Variants in UTP14C observed in about 807,000 individuals in gnomAD.
The protein encoded by UTP14C is U3 small nucleolar RNA-associated protein 14 homolog C.
Under a neutral mutation model 14.6 loss-of-function variants are expected in UTP14C, and 10 were observed. The observed-to-expected ratio is 0.68, with a 90% CI of 0.42 to 1.16. The LOEUF is 1.16. Among genes scored for constraint, UTP14C ranks in the 50% most tolerant of loss-of-function variants. The pLI, the probability that UTP14C is intolerant of heterozygous loss-of-function variation, is 0.00. For missense variants in UTP14C, 818 were observed against 890.8 expected, an observed-to-expected ratio of 0.92 and a Z score of 1.04; for synonymous variants, 315 against 331.6, an observed-to-expected ratio of 0.95 and a Z score of 0.54.
In UTP14C at chr13:52,030,798, A is replaced by G. The variant is rs1189633328; in HGVS notation, c.1994A>G (p.Asn665Ser). ...CCAAGAAAAGATAAGAATTTGCCAA[A>G]TGTGATTATCAGTGAGAAGCGCAAC... is the stretch of plus-strand genomic sequence containing the variant. ...GPPRKDKNLP[N>S]VIISEKRNIH... The change falls in exon 2 of 2, where the codon AAT becomes AGT. Residue 665 changes from asparagine (N) to serine (S), a missense_variant. Asn to Ser is a conservative substitution (Grantham distance 46). Transcript: ENST00000521776. The G allele has an allele frequency of 1.2e-6, 2 of 1,614,204 alleles. No individual in the cohort carries two copies. Among genetic ancestry groups the G allele is most frequent in the Non-Finnish European group, 1.7e-6 (2 of 1,180,034 alleles).
At chr13:52,026,412 T>A (rs999669711) in intron 1 of UTP14C, among the ~76,000 whole-genome samples, 3 of 152,192 alleles carry the variant, frequency 2.0e-5, no homozygotes, top group Non-Finnish European at 4.4e-5. Context: ...GCTTTCTGAT[T>A]TCTCCAGTCC....
rs760676899 is a variant in UTP14C, at chr13:52,029,597, A to G, written c.793A>G (p.Lys265Glu). The G allele has an allele frequency of 6.2e-7, 1 of 1,614,266 alleles. No individual in the cohort carries two copies. Among genetic ancestry groups the G allele is most frequent in the East Asian group, 2.2e-5 (1 of 44,882 alleles). ...VKKGKAKKAL[K>E]EFEQLQKVNP... ...GAAAGGAAAGGCCAAGAAAGCCTTA[A>G]AAGAGTTTGAGCAGCTACAGAAGGT... is the stretch of plus-strand genomic sequence containing the variant. The change falls in exon 2 of 2, where the codon AAA becomes GAA. Residue 265 changes from lysine (K) to glutamate (E), a missense_variant. By Grantham distance (56) the Lys-to-Glu change is moderately conservative. Transcript: ENST00000521776.
At position 52,030,483 on chromosome 13, in the gene UTP14C, A is replaced by G. The variant is rs1249657775; in HGVS notation, c.1679A>G (p.Gln560Arg). ...KKEKEQLINL[Q>R]NFLTTQSPSV... ...GAGAAGGAGCAACTGATCAACCTAC[A>G]GAACTTCCTGACCACACAGTCTCCT... Residue 560 changes from glutamine to arginine, a missense_variant, in exon 2 of 2, where the codon CAG becomes CGG. Gln to Arg is a conservative substitution (Grantham distance 43). Transcript: ENST00000521776. 2.5e-6 allele frequency: 4 copies of G among 1,614,244 alleles called. No homozygotes were observed. The highest frequency in any genetic ancestry group is 3.4e-6 in the Non-Finnish European group (4 of 1,180,038).
chr13:52,028,781 A>G lies in UTP14C; in HGVS notation c.-24A>G. 6.2e-7 allele frequency: 1 copy of G among 1,614,210 alleles called. No individual in the cohort carries two copies. Among genetic ancestry groups the G allele is most frequent in the Non-Finnish European group, 8.5e-7 (1 of 1,180,028 alleles). ...AGCCTTCGGCTTCCATTCTTGGTAT[A>G]CATGAGAGAGGCTGGCTGCTGAGAT... On this transcript the variant is annotated 5_prime_UTR_variant, in exon 2 of 2. The change creates a new upstream start codon in the 5' untranslated region. Transcript: ENST00000521776.
chr13:52,029,168 G>GA lies in UTP14C; in HGVS notation c.370dup (p.Ile124AsnfsTer2). ...GGTGGTGGAGTTACCTCTTAACAAA[G>GA]AAAAAATTGAACAGATCCACAGAGA... On this transcript the variant is annotated frameshift_variant, in exon 2 of 2. Transcript: ENST00000521776. LOFTEE classifies it low-confidence loss of function (END_TRUNC). The GA allele has an allele frequency of 1.9e-6, 3 of 1,614,120 alleles. No homozygotes were observed. The highest frequency in any genetic ancestry group is 1.6e-4 in the Middle Eastern group (1 of 6,062).
In UTP14C at chr13:52,030,980, CA is replaced by C. The variant is rs749080878; in HGVS notation, c.2177del (p.His726LeufsTer6). The C allele has an allele frequency of 6.2e-7, 1 of 1,614,020 alleles. No homozygotes were observed. The highest frequency in any genetic ancestry group is 8.5e-7 in the Non-Finnish European group (1 of 1,180,038). ...TTPKVVTKPG[H>X]IIKPIKAEDV... Reference sequence around the variant, plus strand: ...TCCCAAGGTCGTCACCAAGCCAGGCCATATCATTAAGCCCATAAAAGCAGAG... The same window carrying C: ...TCCCAAGGTCGTCACCAAGCCAGGCCTATCATTAAGCCCATAAAAGCAGAG... On this transcript the variant is annotated frameshift_variant, in exon 2 of 2. Coordinates refer to ENST00000521776, the MANE Select transcript of UTP14C (RefSeq NM_021645.6). LOFTEE classifies it high-confidence loss of function.
Position 52,032,969 on chromosome 13 carries a change from C to A in UTP14C, c.*1864C>A, listed in dbSNP as rs889559642. The A allele has an allele frequency of 2.4e-5, 4 of 167,006 alleles. No homozygotes were observed. The highest frequency in any genetic ancestry group is 9.7e-5 in the African/African-American group (4 of 41,432). The allele number at this position is 167,006 out of a possible 1,614,324, so 10.3% of individuals were successfully genotyped here. A position where few individuals can be genotyped will look rare whatever the true frequency, so the allele number is the denominator to read the frequency against. On this transcript the variant is annotated 3_prime_UTR_variant, in exon 2 of 2. Coordinates refer to ENST00000521776, the MANE Select transcript of UTP14C (RefSeq NM_021645.6). ...TTGAAGTAAGATTCAAACTGTTATC[C>A]ACTCAATTGCCTTATTCCTGAGGAT...
chr13:52,031,372 AAAAG>A lies in UTP14C; in HGVS notation c.*271_*274del, dbSNP rs765697234. The A allele has an allele frequency of 1.5e-5, 7 of 462,070 alleles. No homozygotes were observed. Among genetic ancestry groups the A allele is most frequent in the Non-Finnish European group, 2.3e-5 (6 of 260,444 alleles). The allele number at this position is 462,070 out of a possible 1,614,324, so 28.6% of individuals were successfully genotyped here. ...TGAATATACCTAATGATTTCCTTAAAAAAGAAATTTTAAACAGACTTGTTTAATC... is the reference window on the plus strand; with the variant it reads ...TGAATATACCTAATGATTTCCTTAAAAAATTTTAAACAGACTTGTTTAATC... On this transcript the variant is annotated 3_prime_UTR_variant, in exon 2 of 2. Transcript: ENST00000521776.
At position 52,029,812 on chromosome 13, in the gene UTP14C, C is replaced by T; in HGVS notation, c.1008C>T (p.Leu336=). 1 of 1,614,190 alleles carries T rather than the reference C, an allele frequency of 6.2e-7. No homozygotes were observed. Among genetic ancestry groups the T allele is most frequent in the Non-Finnish European group, 8.5e-7 (1 of 1,180,040 alleles). ...AGAACAAAGAACTGACACAGAAACT[C>T]CAGGTAGCCTCTGAGAGTGAGGAAG... ...LAKNKELTQK[L]QVASESEEEE... The change falls in exon 2 of 2, where the codon CTC becomes CTT. Residue 336 remains leucine (L), a synonymous_variant. Coordinates refer to ENST00000521776, the MANE Select transcript of UTP14C (RefSeq NM_021645.6).
In UTP14C at chr13:52,029,588, A is replaced by G; in HGVS notation, c.784A>G (p.Lys262Glu). 1.2e-6 allele frequency: 2 copies of G among 1,614,240 alleles called. No individual in the cohort carries two copies. The highest frequency in any genetic ancestry group is 2.2e-5 in the East Asian group (1 of 44,884). Residue 262 changes from lysine to glutamate, a missense_variant, in exon 2 of 2, where the codon AAA becomes GAA. Coordinates refer to ENST00000521776, the MANE Select transcript of UTP14C (RefSeq NM_021645.6). The part of the protein sequence containing the change: ...HKVVKKGKAK[K>E]ALKEFEQLQK... Reference sequence around the variant, plus strand: ...AGTCGTGAAGAAAGGAAAGGCCAAGAAAGCCTTAAAAGAGTTTGAGCAGCT... The same window carrying G: ...AGTCGTGAAGAAAGGAAAGGCCAAGGAAGCCTTAAAAGAGTTTGAGCAGCT...
chr13:52,031,705 T>C lies in UTP14C; in HGVS notation c.*600T>C, dbSNP rs1485214607. 1.8e-5 allele frequency: 3 copies of C among 167,312 alleles called. No individual in the cohort carries two copies. Among genetic ancestry groups the C allele is most frequent in the African/African-American group, 7.2e-5 (3 of 41,460 alleles). The allele number at this position is 167,312 out of a possible 1,614,324, so 10.4% of individuals were successfully genotyped here. Reference sequence around the variant, plus strand: ...ATTACCAGCATAATGCATTGTAAGATGGCAAGGTGGCATTTTGAAAGAGCG... The same window carrying C: ...ATTACCAGCATAATGCATTGTAAGACGGCAAGGTGGCATTTTGAAAGAGCG... On this transcript the variant is annotated 3_prime_UTR_variant, in exon 2 of 2. Transcript: ENST00000521776.
At position 52,024,776 on chromosome 13, in the gene UTP14C, A is replaced by T; in HGVS notation, c.-648A>T. The T allele has an allele frequency of 6.2e-7, 1 of 1,614,234 alleles. No individual in the cohort carries two copies. The highest frequency in any genetic ancestry group is 8.5e-7 in the Non-Finnish European group (1 of 1,180,032). On this transcript the variant is annotated 5_prime_UTR_variant, in exon 1 of 2. The change abolishes an upstream ATG in the 5' untranslated region. Transcript: ENST00000521776. ...CTCATTGGAGGTTGTCGTAACAAAG[A>T]TGATGAACTTAGGGTAAACCAACTG...
chr13:52,028,292 T>G (rs903834860), intron 1 of UTP14C, 27 bp from the exon 2 acceptor site: 11 of 1,613,930 alleles, frequency 6.8e-6, no homozygotes, highest in Non-Finnish European at 7.6e-6. Flanking sequence ...ACTTAAAAGA[T>G]TACATGATTT....
At chr13:52,027,702 T>C (rs891007815) in intron 1 of UTP14C, among the ~76,000 whole-genome samples, 11 of 152,254 alleles carry the variant, frequency 7.2e-5, no homozygotes, top group Admixed American at 2.6e-4. Flanking sequence ...CATGCAGTAG[T>C]CTCAAATATG....
Position 52,028,642 on chromosome 13 carries a change from C to G in UTP14C, c.-163C>G, listed in dbSNP as rs755909478. The G allele has an allele frequency of 6.4e-7, 1 of 1,568,114 alleles. No homozygotes were observed. The highest frequency in any genetic ancestry group is 1.1e-5 in the South Asian group (1 of 88,756). On this transcript the variant is annotated 5_prime_UTR_variant, in exon 2 of 2. Transcript: ENST00000521776. ...TTTATATAAACTGGTTAAACACCTT[C>G]ATATGTAAATATTTTTCTAAATTCA...
chr13:52,025,521 C>T (rs1473114808), intron 1 of UTP14C, among the ~76,000 whole-genome samples: 10 of 152,218 alleles, frequency 6.6e-5, no homozygotes, highest in African/African-American at 2.2e-4. Context: ...TGCATAGGGG[C>T]TTCTCACAGT....
Position 52,028,305 on chromosome 13 carries a change from G to GT in UTP14C, c.-486-6dup, listed in dbSNP as rs749417095. 8.7e-6 allele frequency: 14 copies of GT among 1,613,528 alleles called. No individual in the cohort carries two copies. Among genetic ancestry groups the GT allele is most frequent in the East Asian group, 2.2e-5 (1 of 44,870 alleles). ...AAACTTAAAAGATTACATGATTTGTGTTTTTTTTCTCAGGAGTTGTGGAGT... is the reference window on the plus strand; with the variant it reads ...AAACTTAAAAGATTACATGATTTGTGTTTTTTTTTCTCAGGAGTTGTGGAGT... On this transcript the variant is annotated splice_polypyrimidine_tract_variant and intron_variant, in intron 1 of 1. Coordinates refer to ENST00000521776, the MANE Select transcript of UTP14C (RefSeq NM_021645.6).
chr13:52,030,955 T>TC lies in UTP14C; in HGVS notation c.2154dup (p.Lys719GlnfsTer11), dbSNP rs1330744996. The TC allele has an allele frequency of 1.2e-6, 2 of 1,613,990 alleles. No individual in the cohort carries two copies. Among genetic ancestry groups the TC allele is most frequent in the South Asian group, 2.2e-5 (2 of 91,074 alleles). On this transcript the variant is annotated frameshift_variant, in exon 2 of 2. Transcript: ENST00000521776. LOFTEE classifies it high-confidence loss of function. ...AGAGGGCTTTCCAAAAGCTGACTAC[T>TC]CCCAAGGTCGTCACCAAGCCAGGCC...
chr13:52,028,388 T>C lies in UTP14C; in HGVS notation c.-417T>C, dbSNP rs143100365. The C allele has an allele frequency of 6.2e-6, 10 of 1,614,054 alleles. No individual in the cohort carries two copies. In the African/African-American group the frequency reaches 1.2e-4, roughly 19 times the overall value. On this transcript the variant is annotated 5_prime_UTR_variant, in exon 2 of 2. Transcript: ENST00000521776. ...AATTCGGGGGGCCCAAAGCTTGACATTGTGGTTCCTCACGAAGGAGATATA... is the reference window on the plus strand; with the variant it reads ...AATTCGGGGGGCCCAAAGCTTGACACTGTGGTTCCTCACGAAGGAGATATA...
Sources: gnomAD v4.1 joint callset for allele counts (sites outside exome capture counted in the v4.1 genomes callset) on GRCh38, gnomAD v4.1.1 for gene constraint, MANE v1.5 for transcripts, NCBI Gene and HGNC (gene_info 2026-07-23, HGNC 2026-07-21) for gene names.